LYST: variants seen among roughly 807,000 people sequenced by gnomAD.
LYST encodes the protein lysosomal-trafficking regulator.
In LYST, 192 loss-of-function variants were observed where a neutral mutation model predicts 413.6. The observed-to-expected ratio is 0.46, with a 90% confidence interval of 0.41 to 0.52. The LOEUF (loss-of-function observed/expected upper bound fraction) is 0.52, where lower values mean the gene tolerates loss of function less well. Among genes scored for constraint, LYST ranks in the 20% least tolerant of loss-of-function variants. The pLI, the probability that LYST is intolerant of heterozygous loss-of-function variation, is 0.00. For synonymous variants in LYST, 1,525 were observed against 1,567.3 expected (o/e 0.97, Z 0.64); for missense variants, 3,815 against 4,499.9 (o/e 0.85, Z 4.35).
intron 29 of LYST, among the ~76,000 whole-genome samples, chr1:235,745,291 G>A (rs1295723348): frequency 1.3e-5 from 2 of 151,806 alleles, no homozygotes; most frequent in East Asian, 3.9e-4. Flanking sequence ...TTTTTAGTGG[G>A]TGCTCTAAGT....
At chr1:235,688,945 A>T (rs1660421481) in intron 47 of LYST, among the ~76,000 whole-genome samples, 1 of 151,016 alleles carries the variant, frequency 6.6e-6, no homozygotes, top group Non-Finnish European at 1.5e-5. Flanking sequence ...AGATCGCACC[A>T]CTGCACTCCA....
At chr1:235,777,432 C>T (rs889881377) in intron 16 of LYST, 124 bp from the exon 17 acceptor site, 1 of 773,528 alleles carries the variant, frequency 1.3e-6, no homozygotes, top group African/African-American at 1.7e-5. Context: ...TAAAAAACAA[C>T]AGCTACTACA....
intron 2 of LYST, among the ~76,000 whole-genome samples, 190 bp from the exon 3 acceptor site, chr1:235,830,614 A>T (rs1432513859): frequency 6.6e-6 from 1 of 152,166 alleles, no homozygotes; most frequent in East Asian, 1.9e-4. Context: ...AATTCCTTCC[A>T]TGGCGAAATG....
At chr1:235,746,640 CAA>C (rs1665955222) in intron 28 of LYST, 113 bp from the exon 29 acceptor site, 2 of 750,586 alleles carry the variant, frequency 2.7e-6, no homozygotes, top group Non-Finnish European at 4.6e-6. Context: ...TTATTTACTA[CAA>C]AGTCAATTTA....
At position 235,873,723 on chromosome 1, in the gene LYST, C is replaced by T. The variant is rs569819709; in HGVS notation, n.454+9464G>A. Among the ~76,000 whole-genome samples, 145 of 152,254 alleles carry T rather than the reference C, an allele frequency of 9.5e-4. 1 individual carries two copies. The highest frequency in any genetic ancestry group is 3.4e-3 in the Middle Eastern group (1 of 294). On this transcript the variant is annotated intron_variant and non_coding_transcript_variant, in intron 1 of 11. Coordinates refer to the LYST transcript ENST00000465349. ...TATCTTAATTCCCAATATATTCCTG[C>T]GGTCTACAAATTTCTGATTAACTTT...
intron 2 of LYST, among the ~76,000 whole-genome samples, chr1:235,832,495 A>G (rs1255734598): frequency 6.6e-6 from 1 of 152,198 alleles, no homozygotes; most frequent in Non-Finnish European, 1.5e-5. Context: ...TTAAAAATGT[A>G]CCTAAAATAT....
At chr1:235,787,638 G>A (rs1243942723) in intron 13 of LYST, among the ~76,000 whole-genome samples, 1 of 151,830 alleles carries the variant, frequency 6.6e-6, no homozygotes, top group African/African-American at 2.4e-5. Context: ...AATTCAGTTT[G>A]TAAAAAAATA....
intron 47 of LYST, among the ~76,000 whole-genome samples, chr1:235,688,442 A>G (rs1660379409): frequency 6.6e-6 from 1 of 152,242 alleles, no homozygotes. Context: ...TCCAAAGTAT[A>G]GTGTCATCTT....
In LYST at chr1:235,813,845, G is replaced by A. The variant is rs185938931; in HGVS notation, c.193-784C>T. 2.0e-4 allele frequency among the ~76,000 whole-genome samples: 30 copies of A among 152,248 alleles called. No homozygotes were observed. The East Asian group carries it at 5.2e-3, about 26-fold the overall frequency. On this transcript the variant is annotated intron_variant, in intron 3 of 52. Coordinates refer to ENST00000389793, the MANE Select transcript of LYST (RefSeq NM_000081.4). ...GGACATGGGTAGTAAAGGATTTAAC[G>A]ACAAATCAAGTTTGAGTTCTCGCCT...
chr1:235,682,915 C>T (rs959033074), intron 48 of LYST, among the ~76,000 whole-genome samples: 16 of 152,224 alleles, frequency 1.1e-4, no homozygotes, highest in Non-Finnish European at 1.9e-4. Flanking sequence ...ATGAGGTTAG[C>T]GTTCTACTTG....
chr1:235,852,475 C>CT (rs913346631), intron 1 of LYST, among the ~76,000 whole-genome samples: 9 of 152,230 alleles, frequency 5.9e-5, no homozygotes, highest in African/African-American at 2.2e-4. Flanking sequence ...TTTGCCGGAC[C>CT]TTTTTCCCGG....
upstream of LYST, among the ~76,000 whole-genome samples, chr1:235,868,174 TTA>T (rs1680737566): frequency 6.6e-6 from 1 of 152,110 alleles, no homozygotes; most frequent in Admixed American, 6.5e-5. Context: ...TTTTTATTTT[TTA>T]TCTTTTTTTT....
At chr1:235,823,468 T>C (rs559212864) in intron 3 of LYST, among the ~76,000 whole-genome samples, 1 of 152,396 alleles carries the variant, frequency 6.6e-6, no homozygotes, top group South Asian at 2.1e-4. Context: ...AACTCACTTG[T>C]CAAATCTGAA....
chr1:235,826,392 G>A (rs900345819), intron 3 of LYST, among the ~76,000 whole-genome samples: 1 of 152,204 alleles, frequency 6.6e-6, no homozygotes, highest in African/African-American at 2.4e-5. Context: ...AACAGCAGGT[G>A]AATGGTTAAA....
chr1:235,685,616 C>T (rs1660151822), intron 48 of LYST, among the ~76,000 whole-genome samples: 1 of 151,890 alleles, frequency 6.6e-6, no homozygotes, highest in African/African-American at 2.4e-5. Context: ...GAGGCCGAGG[C>T]GGGTGGATCA....
At chr1:235,776,000 A>T (rs867761516) in intron 17 of LYST, among the ~76,000 whole-genome samples, 3 of 152,218 alleles carry the variant, frequency 2.0e-5, no homozygotes, top group African/African-American at 7.2e-5. Context: ...ATAAAAATGT[A>T]AACATTTTAT....
intron 46 of LYST, among the ~76,000 whole-genome samples, chr1:235,696,351 T>C (rs949405319): frequency 6.6e-6 from 1 of 152,238 alleles, no homozygotes; most frequent in Non-Finnish European, 1.5e-5. Context: ...CCAGCAGTGC[T>C]GGCTGCTAAC....
rs371441966 is a variant in LYST at position 235,749,861 on chromosome 1, A to G, written c.7780+1349T>C. On this transcript the variant is annotated intron_variant, in intron 28 of 52. Coordinates refer to ENST00000389793, the MANE Select transcript of LYST (RefSeq NM_000081.4). The stretch of plus-strand genomic sequence containing the variant: ...ATGCTAGTATCTAAAGAGAGAGACT[A>G]AAGACTGCTAGAGAAATCATTGACC... Among the ~76,000 whole-genome samples the G allele has an allele frequency of 3.9e-5, 6 of 152,320 alleles. No individual in the cohort carries two copies. In the East Asian group the frequency reaches 1.2e-3, roughly 29 times the overall value.
At chr1:235,800,613 T>A (rs191698663) in intron 9 of LYST, among the ~76,000 whole-genome samples, 35 of 152,306 alleles carry the variant, frequency 2.3e-4, no homozygotes, top group Admixed American at 2.0e-3. Context: ...AATGCATTTT[T>A]AAAAATATTA....
Sources: gnomAD v4.1 joint callset for allele counts (sites outside exome capture counted in the v4.1 genomes callset) on GRCh38, gnomAD v4.1.1 for gene constraint, MANE v1.5 for transcripts, NCBI Gene and HGNC (gene_info 2026-07-23, HGNC 2026-07-21) for gene names.